SEC14L1: variants seen among roughly 807,000 people sequenced by gnomAD.
SEC14L1 encodes SEC14 like lipid binding 1, also known as SEC14-like protein 1.
A neutral mutation model predicts 85.3 loss-of-function variants in SEC14L1; 48 were observed. That is an observed-to-expected ratio of 0.56 (90% CI 0.45 to 0.72). SEC14L1 has a LOEUF of 0.72. Ranked by LOEUF, SEC14L1 falls within the 30% of genes least tolerant of loss-of-function variation. The pLI, the probability that SEC14L1 is intolerant of heterozygous loss-of-function variation, is 0.00. For missense variants in SEC14L1, 682 were observed against 921.4 expected (o/e 0.74, Z 3.36); for synonymous variants, 391 against 355.5 (o/e 1.10, Z -1.12).
chr17:77,155,087 C>T (rs1973747121), intron 3 of SEC14L1, among the ~76,000 whole-genome samples: 1 of 152,210 alleles, frequency 6.6e-6, no homozygotes, highest in African/African-American at 2.4e-5. Flanking sequence ...TCTTACTGGG[C>T]AGCACTTCCT....
intron 8 of SEC14L1, among the ~76,000 whole-genome samples, 185 bp downstream of exon 8, chr17:77,196,496 A>G (rs1011071501): frequency 2.6e-5 from 4 of 152,268 alleles, no homozygotes. Context: ...GTGATAATGC[A>G]TGACTAACTG....
At chr17:77,142,238 T>TA (rs1301075391) in intron 1 of SEC14L1, among the ~76,000 whole-genome samples, 1 of 152,094 alleles carries the variant, frequency 6.6e-6, no homozygotes, top group African/African-American at 2.4e-5. Flanking sequence ...ATGCCAGACA[T>TA]ACCAGAGAAA....
intron 3 of SEC14L1, among the ~76,000 whole-genome samples, chr17:77,103,880 C>T (rs541607422): frequency 1.1e-3 from 170 of 151,056 alleles, no homozygotes; most frequent in Non-Finnish European, 1.5e-3. Flanking sequence ...CAGGCGGCAC[C>T]GGGCGGGGTC....
exon 2 of SEC14L1, chr17:77,089,222 C>G: frequency 2.9e-6 from 1 of 342,586 alleles, no homozygotes; most frequent in Non-Finnish European, 5.8e-6. Flanking sequence ...TATTTTCTTC[C>G]TGCCCCTCGT....
chr17:77,151,956 C>T (rs971682126), intron 3 of SEC14L1, among the ~76,000 whole-genome samples: 1 of 152,164 alleles, frequency 6.6e-6, no homozygotes, highest in Non-Finnish European at 1.5e-5. Flanking sequence ...CTTCAGTGTA[C>T]ATCTCTAACC....
intron 3 of SEC14L1, among the ~76,000 whole-genome samples, chr17:77,110,609 G>A (rs1382401616): frequency 2.6e-5 from 4 of 151,686 alleles, no homozygotes; most frequent in African/African-American, 4.8e-5. Flanking sequence ...GGCTGGGCGC[G>A]GTGGCTCATG....
At chr17:77,123,617 A>G (rs1466462307) in intron 3 of SEC14L1, among the ~76,000 whole-genome samples, 1 of 150,590 alleles carries the variant, frequency 6.6e-6, no homozygotes, top group Non-Finnish European at 1.5e-5. Context: ...AGGTCTCACC[A>G]TGTTGCCCAG....
chr17:77,098,148 C>T (rs528664906), intron 3 of SEC14L1, among the ~76,000 whole-genome samples: 4 of 152,188 alleles, frequency 2.6e-5, no homozygotes, highest in Non-Finnish European at 5.9e-5. Context: ...CATATTCTAT[C>T]TACTCTTGCC....
At chr17:77,110,771 C>A (rs944736254) in intron 3 of SEC14L1, among the ~76,000 whole-genome samples, 2 of 150,528 alleles carry the variant, frequency 1.3e-5, no homozygotes, top group Admixed American at 6.7e-5. Context: ...GTAGTCCCAG[C>A]TACTCGGGAG....
chr17:77,109,707 C>T (rs1411692589), intron 3 of SEC14L1, among the ~76,000 whole-genome samples: 1 of 152,146 alleles, frequency 6.6e-6, no homozygotes, highest in Non-Finnish European at 1.5e-5. Flanking sequence ...TCTTTGCTTT[C>T]TGTAGCTTTT....
At chr17:77,091,411 G>A (rs981198967) in intron 2 of SEC14L1, among the ~76,000 whole-genome samples, 4 of 152,036 alleles carry the variant, frequency 2.6e-5, no homozygotes, top group Admixed American at 2.0e-4. Context: ...TATGTAAGAG[G>A]ATGATACAGA....
rs146408472 is a variant in SEC14L1 at position 77,144,229 on chromosome 17, T to C, written c.63+570T>C. On this transcript the variant is annotated intron_variant, in intron 3 of 16. Transcript: ENST00000436233. ...ACCGTAGGGTATTTCTTCTTTTCCT[T>C]TCTCTTTTGTGTTATTATTAAGATA... Among the ~76,000 whole-genome samples, 1,398 of 152,332 alleles carry C rather than the reference T, an allele frequency of 9.2e-3. 26 individuals carry two copies. The highest frequency in any genetic ancestry group is 0.03 in the African/African-American group (1,260 of 41,568).
At chr17:77,144,491 GT>G (rs1461645072) in intron 3 of SEC14L1, among the ~76,000 whole-genome samples, 1 of 152,212 alleles carries the variant, frequency 6.6e-6, no homozygotes, top group East Asian at 1.9e-4. Flanking sequence ...AAACGCAGGT[GT>G]TTTAGCAGCT....
At chr17:77,204,561 G>A (rs1053893480) in intron 10 of SEC14L1, among the ~76,000 whole-genome samples, 6 of 118,752 alleles carry the variant, frequency 5.1e-5, no homozygotes, top group South Asian at 2.6e-4. Flanking sequence ...AAGAGACATC[G>A]TCTTACTCTG....
intron 3 of SEC14L1, among the ~76,000 whole-genome samples, chr17:77,104,106 CTT>C (rs938922982): frequency 1.3e-5 from 2 of 149,760 alleles, no homozygotes; most frequent in African/African-American, 4.9e-5. Context: ...CCAAAGGACT[CTT>C]TTTTGTATTT....
chr17:77,155,344 C>T (rs184209408), intron 3 of SEC14L1, among the ~76,000 whole-genome samples: 426 of 152,232 alleles, frequency 2.8e-3, no homozygotes, highest in African/African-American at 0.01. Context: ...ACACCCACCC[C>T]AGTAAAAACC....
At chr17:77,114,098 G>T (rs1567874392) in intron 3 of SEC14L1, among the ~76,000 whole-genome samples, 2 of 152,108 alleles carry the variant, frequency 1.3e-5, no homozygotes, top group East Asian at 1.9e-4. Context: ...TGTGAAGGAG[G>T]TGTGGGTGTC....
In SEC14L1 at chr17:77,213,056, G is replaced by C. The variant is rs2143230929; in HGVS notation, c.1864-258G>C. 6.6e-6 allele frequency among the ~76,000 whole-genome samples: 1 copy of C among 152,348 alleles called. No homozygotes were observed. Among genetic ancestry groups the C allele is most frequent in the South Asian group, 2.1e-4 (1 of 4,828 alleles). ...CTGCCTCCGTAGGTGGGGTGGGCTG[G>C]GCAGGCCTCGTGAGGGCCACGGACA... On this transcript the variant is annotated intron_variant, in intron 15 of 16. Coordinates refer to ENST00000436233, the MANE Select transcript of SEC14L1 (RefSeq NM_001143998.2). This position sits in a 1 kb window ranked among gnomAD's most constrained non-coding sequence, Gnocchi z 7.1.
In SEC14L1 at chr17:77,161,934, C is replaced by CTT. The variant is rs904201608; in HGVS notation, c.63+18287_63+18288dup. ...TCTTCTTTTCTTCTTTCTTCTTCTT[C>CTT]TTTTTTTTTTTTTAAACAAACCCTT... On this transcript the variant is annotated intron_variant, in intron 3 of 16. Coordinates refer to ENST00000436233, the MANE Select transcript of SEC14L1 (RefSeq NM_001143998.2). Among the ~76,000 whole-genome samples the CTT allele has an allele frequency of 1.8e-3, 212 of 115,300 alleles. 2 individuals carry two copies. The highest frequency in any genetic ancestry group is 6.3e-3 in the African/African-American group (199 of 31,638). 75.6% of individuals were successfully genotyped at this position (115,300 alleles called of 152,430 possible).
Sources: gnomAD v4.1 joint callset for allele counts (sites outside exome capture counted in the v4.1 genomes callset) on GRCh38, gnomAD v4.1.1 for gene constraint, Gnocchi (gnomAD v3.1) non-coding constraint, MANE v1.5 for transcripts, NCBI Gene and HGNC (gene_info 2026-07-23, HGNC 2026-07-21) for gene names.